PARD3: variants seen among roughly 807,000 people sequenced by gnomAD.
PARD3 encodes the protein partitioning defective 3 homolog.
In PARD3, 75 loss-of-function variants were observed where a neutral mutation model predicts 155.4. The observed-to-expected ratio is 0.48, with a 90% CI of 0.40 to 0.58. The LOEUF (loss-of-function observed/expected upper bound fraction) is 0.58, where lower values mean the gene tolerates loss of function less well. PARD3 is among the 20% of genes least tolerant of loss of function. The probability of loss-of-function intolerance (pLI) is 0.00; values close to 1 mark genes in which losing one functional copy is unlikely to be tolerated. For synonymous variants in PARD3, 576 were observed against 610.5 expected (o/e 0.94, Z 0.83); for missense variants, 1,642 against 1,721.7 (o/e 0.95, Z 0.82).
At chr10:34,528,527 GGTTTTGTTTTGTTTT>G (rs553436342) in intron 2 of PARD3, among the ~76,000 whole-genome samples, 2 of 152,042 alleles carry the variant, frequency 1.3e-5, no homozygotes, top group East Asian at 1.9e-4. Context: ...AGTAGTGATA[GGTTTTGTTTTGTTTT>G]GTTTTGTTTT....
chr10:34,305,190 A>AATATTATAAGATAATATTATATCT (rs1406014414), intron 20 of PARD3, among the ~76,000 whole-genome samples: 10 of 152,232 alleles, frequency 6.6e-5, no homozygotes, highest in African/African-American at 2.4e-4. Context: ...AATATTATAA[A>AATATTATAAGATAATATTATATCT]TGTCATGGGA....
intron 2 of PARD3, among the ~76,000 whole-genome samples, chr10:34,670,935 A>G (rs577055909): frequency 9.2e-5 from 14 of 152,306 alleles, no homozygotes; most frequent in Non-Finnish European, 1.3e-4. Flanking sequence ...TCATTTTACA[A>G]CTGATTACTT....
At chr10:34,730,398 TA>T (rs1436842289) in intron 1 of PARD3, among the ~76,000 whole-genome samples, 1 of 152,172 alleles carries the variant, frequency 6.6e-6, no homozygotes, top group Non-Finnish European at 1.5e-5. Flanking sequence ...TGTACAGCTA[TA>T]AATTTACATA....
At chr10:34,416,367 A>G (rs761795468) in intron 5 of PARD3, among the ~76,000 whole-genome samples, 10 of 152,178 alleles carry the variant, frequency 6.6e-5, no homozygotes, top group Non-Finnish European at 1.0e-4. Context: ...TTTCAGTGAC[A>G]CTTCACACCA....
intron 1 of PARD3, among the ~76,000 whole-genome samples, chr10:34,750,691 A>ATTT (rs10643701): frequency 0.24 from 34,181 of 143,510 alleles, 4,490 homozygotes; most frequent in East Asian, 0.52. Context: ...TGACATAACA[A>ATTT]TTTTTTTTTT....
chr10:34,702,844 C>A (rs1285458968), intron 1 of PARD3, among the ~76,000 whole-genome samples: 1 of 152,068 alleles, frequency 6.6e-6, no homozygotes, highest in Non-Finnish European at 1.5e-5. Context: ...TCAGAGCCAA[C>A]CATGGAGAGA....
intron 2 of PARD3, among the ~76,000 whole-genome samples, chr10:34,691,396 A>G (rs1449163342): frequency 1.3e-5 from 2 of 152,244 alleles, no homozygotes; most frequent in Non-Finnish European, 2.9e-5. Flanking sequence ...AAGAAACGAA[A>G]GATCTCTACA....
At chr10:34,527,864 G>A (rs1305217073) in intron 2 of PARD3, among the ~76,000 whole-genome samples, 1 of 152,024 alleles carries the variant, frequency 6.6e-6, no homozygotes, top group Non-Finnish European at 1.5e-5. Flanking sequence ...CTCCTTTTTT[G>A]CTACTCTCAT....
intron 5 of PARD3, among the ~76,000 whole-genome samples, chr10:34,405,394 C>T (rs1302234360): frequency 6.6e-6 from 1 of 152,058 alleles, no homozygotes; most frequent in East Asian, 1.9e-4. Context: ...AAACATATTA[C>T]CCACTCGATC....
intron 2 of PARD3, among the ~76,000 whole-genome samples, chr10:34,654,024 AG>A (rs1469510559): frequency 6.6e-6 from 1 of 152,198 alleles, no homozygotes; most frequent in Non-Finnish European, 1.5e-5. Flanking sequence ...ACATTAAGAC[AG>A]AGGTGCATTA....
intron 20 of PARD3, among the ~76,000 whole-genome samples, chr10:34,315,466 G>A (rs1021518627): frequency 3.3e-5 from 5 of 152,208 alleles, no homozygotes; most frequent in Middle Eastern, 3.2e-3. Context: ...CTAACAAGCC[G>A]TTAGAGCTTT....
At chr10:34,523,085 T>C (rs900502397) in intron 2 of PARD3, among the ~76,000 whole-genome samples, 9 of 152,178 alleles carry the variant, frequency 5.9e-5, no homozygotes, top group Admixed American at 3.3e-4. Context: ...TCTGAACATA[T>C]CTGAGGGTAA....
chr10:34,127,775 C>G (rs1026600572), intron 23 of PARD3, among the ~76,000 whole-genome samples: 3 of 152,150 alleles, frequency 2.0e-5, no homozygotes. Context: ...CTGCTGTTTT[C>G]TCCTTCAGCT....
At chr10:34,351,929 T>C (rs1838129692) in intron 14 of PARD3, among the ~76,000 whole-genome samples, 1 of 152,264 alleles carries the variant, frequency 6.6e-6, no homozygotes. Context: ...TCATAAATGA[T>C]ACCTTAGGCC....
At chr10:34,268,098 ACTC>A (rs1955418610) in intron 22 of PARD3, among the ~76,000 whole-genome samples, 1 of 152,158 alleles carries the variant, frequency 6.6e-6, no homozygotes, top group African/African-American at 2.4e-5. Flanking sequence ...TGTGAACTAA[ACTC>A]CTCATGGTGC....
chr10:34,722,199 A>G (rs992528844), intron 1 of PARD3, among the ~76,000 whole-genome samples: 5 of 151,982 alleles, frequency 3.3e-5, no homozygotes, highest in African/African-American at 4.8e-5. Flanking sequence ...CTCAAAATAT[A>G]TATTTTTGAG....
chr10:34,374,823 C>T (rs780554631), intron 11 of PARD3, 51 bp downstream of exon 11: 5 of 1,588,166 alleles, frequency 3.1e-6, no homozygotes, highest in South Asian at 2.3e-5. Context: ...CTAACCCAGA[C>T]CCCTGGCTGC....
intron 22 of PARD3, among the ~76,000 whole-genome samples, chr10:34,190,257 G>T (rs1950648676): frequency 6.6e-6 from 1 of 152,158 alleles, no homozygotes; most frequent in African/African-American, 2.4e-5. Context: ...ACAACACAAT[G>T]AATCAGACTG....
chr10:34,806,093 C>A (rs2134381024), intron 1 of PARD3, among the ~76,000 whole-genome samples: 1 of 152,072 alleles, frequency 6.6e-6, no homozygotes, highest in Non-Finnish European at 1.5e-5. Context: ...TGCAGTGACA[C>A]CATCATAGTT....
Sources: allele counts gnomAD v4.1 joint callset (sites outside exome capture counted in the v4.1 genomes callset), GRCh38; gene constraint gnomAD v4.1.1; transcripts MANE v1.5; gene names NCBI Gene and HGNC (gene_info 2026-07-23, HGNC 2026-07-21).